STPG2: variants seen among roughly 807,000 people sequenced by gnomAD.
The protein encoded by STPG2 is sperm tail PG-rich repeat containing 2.
Under a neutral mutation model 54.2 loss-of-function variants are expected in STPG2, and 56 were observed. The observed-to-expected ratio is 1.03, with a 90% CI of 0.83 to 1.29. The LOEUF is 1.29. STPG2 is among the 50% of genes most tolerant of loss of function. STPG2 has a pLI of 0.00. For missense variants in STPG2, 596 were observed against 544.9 expected (o/e 1.09, Z -0.93); for synonymous variants, 200 against 181.8 (o/e 1.10, Z -0.81).
intron 10 of STPG2, among the ~76,000 whole-genome samples, chr4:97,676,389 A>C (rs1722845264): frequency 6.6e-6 from 1 of 151,972 alleles, no homozygotes; most frequent in Non-Finnish European, 1.5e-5. Context: ...TCCCTACATC[A>C]ATTTTTCCAA....
chr4:97,632,285 G>GTTT (rs72316841), intron 10 of STPG2, among the ~76,000 whole-genome samples: 3 of 140,872 alleles, frequency 2.1e-5, no homozygotes, highest in African/African-American at 7.7e-5. Flanking sequence ...AAGCTTATTG[G>GTTT]TTTTTTTTTT....
intron 5 of STPG2, among the ~76,000 whole-genome samples, chr4:97,991,401 G>GTATATATATGTGTA (rs1735005867): frequency 6.7e-6 from 1 of 149,054 alleles, no homozygotes; most frequent in Admixed American, 6.7e-5. Context: ...ATATATATGT[G>GTATATATATGTGTA]TATATATATA....
intron 7 of STPG2, among the ~76,000 whole-genome samples, chr4:97,966,892 A>C (rs1360800594): frequency 2.0e-5 from 3 of 152,204 alleles, no homozygotes; most frequent in African/African-American, 4.8e-5. Flanking sequence ...CCAGTACCAG[A>C]CACTGCAATA....
intron 10 of STPG2, among the ~76,000 whole-genome samples, chr4:97,710,683 TTAAAA>T (rs1724085436): frequency 6.6e-6 from 1 of 151,948 alleles, no homozygotes; most frequent in Non-Finnish European, 1.5e-5. Context: ...GACTGTCAAA[TTAAAA>T]TAAAAGAACA....
intron 3 of STPG2, among the ~76,000 whole-genome samples, chr4:98,119,384 A>C (rs1225652967): frequency 2.6e-5 from 4 of 152,176 alleles, no homozygotes; most frequent in African/African-American, 7.2e-5. Context: ...TCTTCAAAAA[A>C]AAAGTAAAGA....
chr4:97,907,661 A>C (rs1388792330), intron 8 of STPG2, among the ~76,000 whole-genome samples: 3 of 152,242 alleles, frequency 2.0e-5, no homozygotes, highest in Non-Finnish European at 4.4e-5. Context: ...TACTGGTACC[A>C]AAACAGAGAT....
At chr4:97,496,185 GC>G (rs552580819) in intron 4 of STPG2, among the ~76,000 whole-genome samples, 33 of 151,368 alleles carry the variant, frequency 2.2e-4, no homozygotes, top group Admixed American at 8.6e-4. Flanking sequence ...CTATTTATAT[GC>G]CCCCCCAAAA....
chr4:97,677,138 A>G (rs1722875949), intron 10 of STPG2, among the ~76,000 whole-genome samples: 1 of 152,188 alleles, frequency 6.6e-6, no homozygotes, highest in Non-Finnish European at 1.5e-5. Flanking sequence ...CTAAAGCAAT[A>G]CTCCTAATGG....
intron 5 of STPG2, among the ~76,000 whole-genome samples, chr4:98,011,655 G>C (rs1735755028): frequency 6.6e-6 from 1 of 152,072 alleles, no homozygotes; most frequent in Non-Finnish European, 1.5e-5. Context: ...TCACCATTCT[G>C]ACTGGCATAA....
chr4:97,685,702 TTAA>T (rs1327777861), intron 10 of STPG2, among the ~76,000 whole-genome samples: 11 of 152,280 alleles, frequency 7.2e-5, no homozygotes, highest in Admixed American at 5.2e-4. Context: ...TGGAATTTAT[TTAA>T]TAATAATGTT....
In STPG2 at chr4:97,971,469, G is replaced by T. The variant is rs542824099; in HGVS notation, c.933+811C>A. Among the ~76,000 whole-genome samples the T allele has an allele frequency of 2.0e-5, 3 of 152,252 alleles. No individual in the cohort carries two copies. In the South Asian group the frequency reaches 6.2e-4, roughly 32 times the overall value. ...CATATACACCATGGAATACTATGCA[G>T]CCATAAAAAAGGATGAGTTCATGTC... is the stretch of plus-strand genomic sequence containing the variant. On this transcript the variant is annotated intron_variant, in intron 7 of 10. Transcript: ENST00000295268.
At chr4:97,634,515 GA>G (rs1289509892) in intron 10 of STPG2, among the ~76,000 whole-genome samples, 1 of 152,094 alleles carries the variant, frequency 6.6e-6, no homozygotes, top group Non-Finnish European at 1.5e-5. Context: ...GCTGAGAGAA[GA>G]AGGCTTCAGA....
chr4:97,582,271 C>G (rs1732881403), intron 10 of STPG2, among the ~76,000 whole-genome samples: 1 of 151,928 alleles, frequency 6.6e-6, no homozygotes, highest in South Asian at 2.1e-4. Flanking sequence ...GTGTATTTGT[C>G]AAATACGCGT....
At chr4:98,142,108 T>C (rs1430571011) in intron 1 of STPG2, among the ~76,000 whole-genome samples, 1 of 152,072 alleles carries the variant, frequency 6.6e-6, no homozygotes, top group African/African-American at 2.4e-5. Context: ...CCCAACTCCA[T>C]TAAAATAAAG....
At chr4:98,099,119 G>A (rs566801224) in intron 5 of STPG2, among the ~76,000 whole-genome samples, 1 of 152,020 alleles carries the variant, frequency 6.6e-6, no homozygotes, top group African/African-American at 2.4e-5. Context: ...TAGGCATACA[G>A]CCAAAATAAA....
At chr4:97,527,448 C>T (rs1468850966) in intron 4 of STPG2, among the ~76,000 whole-genome samples, 1 of 152,134 alleles carries the variant, frequency 6.6e-6, no homozygotes, top group Non-Finnish European at 1.5e-5. Context: ...GCAAACAGTG[C>T]TGAAATAAAC....
chr4:98,139,973 T>G (rs1246152564), intron 1 of STPG2, among the ~76,000 whole-genome samples: 1 of 152,196 alleles, frequency 6.6e-6, no homozygotes, highest in Non-Finnish European at 1.5e-5. Flanking sequence ...CTCAAGCAGC[T>G]CACATTTTAG....
At chr4:97,646,324 A>G (rs931565888) in intron 10 of STPG2, among the ~76,000 whole-genome samples, 8 of 152,156 alleles carry the variant, frequency 5.3e-5, no homozygotes, top group Non-Finnish European at 1.0e-4. Flanking sequence ...ATGTAGTTGC[A>G]TGTTATCTTC....
chr4:98,136,798 A>G (rs1298500816), intron 1 of STPG2, among the ~76,000 whole-genome samples: 2 of 151,738 alleles, frequency 1.3e-5, no homozygotes, highest in Admixed American at 1.3e-4. Flanking sequence ...GGTAGACTGC[A>G]ATAAATTAGA....
Sources: allele counts gnomAD v4.1 joint callset (sites outside exome capture counted in the v4.1 genomes callset), GRCh38; gene constraint gnomAD v4.1.1; transcripts MANE v1.5; gene names NCBI Gene and HGNC (gene_info 2026-07-23, HGNC 2026-07-21).